NMBR: variants seen among roughly 807,000 people sequenced by gnomAD.
NMBR encodes the protein neuromedin-B receptor.
In NMBR, 16 loss-of-function variants were observed where a neutral mutation model predicts 20.5. The observed-to-expected ratio is 0.78, with a 90% CI of 0.53 to 1.19. NMBR has a LOEUF of 1.19. Ranked by LOEUF, NMBR falls within the 50% of genes most tolerant of loss-of-function variation. The pLI is 0.00. For synonymous variants in NMBR, 212 were observed against 196.6 expected (o/e 1.08, Z -0.65); for missense variants, 582 against 499.1 (o/e 1.17, Z -1.58).
At chr6:142,111,252 A>G (rs1777758334) in intron 1 of NMBR, among the ~76,000 whole-genome samples, 1 of 152,046 alleles carries the variant, frequency 6.6e-6, no homozygotes, top group African/African-American at 2.4e-5. Flanking sequence ...AAAAAAAAAA[A>G]GACATACCCA....
intron 1 of NMBR, among the ~76,000 whole-genome samples, chr6:142,098,410 A>G (rs1226765548): frequency 2.0e-5 from 3 of 152,202 alleles, no homozygotes; most frequent in Non-Finnish European, 4.4e-5. Context: ...AACAAATAAC[A>G]TGATTATCTA....
At chr6:142,122,121 T>C (rs770463598) in intron 1 of NMBR, among the ~76,000 whole-genome samples, 6 of 151,974 alleles carry the variant, frequency 3.9e-5, no homozygotes, top group Non-Finnish European at 7.4e-5. Flanking sequence ...CTGCTAGCTC[T>C]GGAATAAAGT....
intron 1 of NMBR, among the ~76,000 whole-genome samples, chr6:142,145,019 C>CT (rs1443149423): frequency 1.3e-4 from 3 of 22,814 alleles, no homozygotes; most frequent in Non-Finnish European, 2.4e-4. Flanking sequence ...GAGAACCTGT[C>CT]TAAAAAAAAA....
chr6:142,087,945 A>T (rs112991298), intron 2 of NMBR, among the ~76,000 whole-genome samples: 5 of 152,208 alleles, frequency 3.3e-5, no homozygotes, highest in African/African-American at 9.7e-5. Context: ...CTTTTCTATG[A>T]AATAATATTC....
At chr6:142,094,967 G>A (rs1777415191) in intron 1 of NMBR, among the ~76,000 whole-genome samples, 1 of 152,258 alleles carries the variant, frequency 6.6e-6, no homozygotes, top group African/African-American at 2.4e-5. Flanking sequence ...TGTTATTGGT[G>A]TATAAGAATG....
In NMBR at chr6:142,075,676, T is replaced by C. The variant is rs772591837; in HGVS notation, c.1145A>G (p.His382Arg). The change falls in exon 4 of 4, where the codon CAC (histidine) becomes CGC (arginine). Residue 382 changes from histidine (H) to arginine (R), a missense_variant. By Grantham distance (29) the His-to-Arg change is conservative (BLOSUM62 0). Transcript: ENST00000258042. ...CAGTGCCATTTCCTGCTTCATGCTG[T>C]GCCCATTTAGTAAAACAGAATTGGT... ...MVTNSVLLNG[H>R]SMKQEMAL 6.2e-7 allele frequency: 1 copy of C among 1,612,996 alleles called. No homozygotes were observed. The highest frequency in any genetic ancestry group is 1.1e-5 in the South Asian group (1 of 90,900).
Position 142,075,546 on chromosome 6 carries a change from A to T in NMBR, c.*102T>A. On this transcript the variant is annotated 3_prime_UTR_variant, in exon 4 of 4. Coordinates refer to ENST00000258042, the MANE Select transcript of NMBR (RefSeq NM_002511.4). ...TTGCATTTTCTGAGTCAATCATGCAATTGCCTAATAAATTAGCTAAGCAAC... is the reference window on the plus strand; with the variant it reads ...TTGCATTTTCTGAGTCAATCATGCATTTGCCTAATAAATTAGCTAAGCAAC... The T allele has an allele frequency of 1.8e-6, 2 of 1,130,434 alleles. No homozygotes were observed. Among genetic ancestry groups the T allele is most frequent in the Non-Finnish European group, 2.5e-6 (2 of 797,150 alleles). The allele number at this position is 1,130,434 out of a possible 1,614,324, so 70.0% of individuals were successfully genotyped here. A position where few individuals can be genotyped will look rare whatever the true frequency, so the allele number is the denominator to read the frequency against.
At chr6:142,136,813 C>T (rs1457711899) in intron 1 of NMBR, among the ~76,000 whole-genome samples, 12 of 152,108 alleles carry the variant, frequency 7.9e-5, no homozygotes, top group East Asian at 1.9e-4. Context: ...TGTAGATATG[C>T]GGCAGTATTT....
In NMBR at chr6:142,082,230, C is replaced by T. The variant is rs150953439; in HGVS notation, c.423-3327G>A. 5.9e-5 allele frequency among the ~76,000 whole-genome samples: 9 copies of T among 152,146 alleles called. No homozygotes were observed. In the East Asian group the frequency reaches 1.7e-3, roughly 29 times the overall value. On this transcript the variant is annotated intron_variant, in intron 2 of 3. Transcript: ENST00000258042. The stretch of plus-strand genomic sequence containing the variant: ...GTCCACAAAAAGTCTGAGTGTGAAC[C>T]GCATGATAAGAGAAAGGTCTTGCTC...
Position 142,098,789 on chromosome 6 carries a change from G to A in NMBR, c.-663-9468C>T, listed in dbSNP as rs534303319. Among the ~76,000 whole-genome samples the A allele has an allele frequency of 2.6e-5, 4 of 152,202 alleles. No homozygotes were observed. In the East Asian group the frequency reaches 7.7e-4, roughly 29 times the overall value. ...CAATGCTATCTTAATCATAATCCCA[G>A]AAAGGTAATCTGTGGATATCAGCAA... On this transcript the variant is annotated intron_variant, in intron 1 of 3. Transcript: ENST00000258042.
chr6:142,123,192 T>C lies in NMBR; in HGVS notation c.-664+23852A>G, dbSNP rs533577574. Reference sequence around the variant, plus strand: ...TGATTCCAAACCTCATGGAAAACTATGAAAGTTTCAAGACTGCAGTAGAGG... The same window carrying C: ...TGATTCCAAACCTCATGGAAAACTACGAAAGTTTCAAGACTGCAGTAGAGG... On this transcript the variant is annotated intron_variant, in intron 1 of 3. Coordinates refer to ENST00000258042, the MANE Select transcript of NMBR (RefSeq NM_002511.4). Among the ~76,000 whole-genome samples, 67 of 152,022 alleles carry C rather than the reference T, an allele frequency of 4.4e-4. 2 individuals carry two copies. Among genetic ancestry groups the C allele is most frequent in the Admixed American group, 4.3e-3 (65 of 15,256 alleles).
chr6:142,086,392 G>A (rs1417038396), intron 2 of NMBR, among the ~76,000 whole-genome samples: 1 of 152,116 alleles, frequency 6.6e-6, no homozygotes, highest in Non-Finnish European at 1.5e-5. Context: ...CTTTTGGTGA[G>A]ATATAGTAAG....
chr6:142,142,780 C>T (rs895149840), intron 1 of NMBR, among the ~76,000 whole-genome samples: 3 of 151,888 alleles, frequency 2.0e-5, no homozygotes, highest in South Asian at 2.1e-4. Context: ...TTCTAAAGAA[C>T]GTTCCAAAAA....
intron 1 of NMBR, among the ~76,000 whole-genome samples, chr6:142,105,842 G>A (rs1777653696): frequency 6.6e-6 from 1 of 152,024 alleles, no homozygotes; most frequent in African/African-American, 2.4e-5. Flanking sequence ...TTTTTAGAAG[G>A]ATGGTTCTTC....
chr6:142,134,850 T>G (rs1778221662), intron 1 of NMBR: 1 of 646,484 alleles, frequency 1.5e-6, no homozygotes, highest in African/African-American at 1.8e-5. Flanking sequence ...TTACAACAAT[T>G]ACAATTTTAT....
chr6:142,117,305 C>T (rs549518806), intron 1 of NMBR, among the ~76,000 whole-genome samples: 9 of 151,882 alleles, frequency 5.9e-5, no homozygotes, highest in Non-Finnish European at 8.8e-5. Flanking sequence ...ATAATCACCT[C>T]ACATATAGTT....
intron 1 of NMBR, among the ~76,000 whole-genome samples, chr6:142,130,540 G>A (rs907492919): frequency 6.6e-6 from 1 of 152,102 alleles, no homozygotes. Context: ...TGTAGAGAGA[G>A]ATATTTCTTT....
At chr6:142,117,622 G>A (rs972863751) in intron 1 of NMBR, among the ~76,000 whole-genome samples, 2 of 151,872 alleles carry the variant, frequency 1.3e-5, no homozygotes, top group Non-Finnish European at 2.9e-5. Flanking sequence ...AATTTACCAT[G>A]AGGTTTTAAT....
intron 1 of NMBR, among the ~76,000 whole-genome samples, chr6:142,137,164 A>C (rs1447268878): frequency 6.6e-6 from 1 of 151,978 alleles, no homozygotes; most frequent in Non-Finnish European, 1.5e-5. Context: ...ATCCTCTTTT[A>C]TTTCATTGAG....
Sources: gnomAD v4.1 joint callset for allele counts (sites outside exome capture counted in the v4.1 genomes callset) on GRCh38, gnomAD v4.1.1 for gene constraint, MANE v1.5 for transcripts, NCBI Gene and HGNC (gene_info 2026-07-23, HGNC 2026-07-21) for gene names.